The following SCUBE3 variants were observed in gnomAD, a reference collection of about 807,000 sequenced individuals.
SCUBE3 encodes the protein signal peptide, CUB and EGF-like domain-containing protein 3.
In SCUBE3, 33 loss-of-function variants were observed where a neutral mutation model predicts 116.8. That is an observed-to-expected ratio of 0.28 (90% confidence interval 0.21 to 0.38). SCUBE3 has a LOEUF of 0.38. Ranked by LOEUF, SCUBE3 falls within the 10% of genes least tolerant of loss-of-function variation. The probability of loss-of-function intolerance (pLI) is 1.00; values close to 1 mark genes in which losing one functional copy is unlikely to be tolerated. For missense variants in SCUBE3, 1,007 were observed against 1,324.8 expected, an observed-to-expected ratio of 0.76 and a Z score of 3.72; for synonymous variants, 418 against 496.9, an observed-to-expected ratio of 0.84 and a Z score of 2.11.
chr6:35,243,555 T>C lies in SCUBE3; in HGVS notation c.1910-39T>C, dbSNP rs1257272566. The C allele has an allele frequency of 6.6e-7, 1 of 1,505,338 alleles. No individual in the cohort carries two copies. Among genetic ancestry groups the C allele is most frequent in the Non-Finnish European group, 8.9e-7 (1 of 1,119,506 alleles). The allele number at this position is 1,505,338 out of a possible 1,614,324, so 93.2% of individuals were successfully genotyped here. On this transcript the variant is annotated intron_variant, in intron 15 of 21. Transcript: ENST00000274938. This position sits in a 1 kb window ranked among gnomAD's most constrained non-coding sequence, Gnocchi z 6.6. ...AGTCCCAGGCCTGGGTGGTGGGAAA[T>C]GCGGGGGTGGGTGGCTAGCGCGGCC...
rs151131728 is a variant in SCUBE3, at chr6:35,227,966, A to C, written c.208+264A>C. Among the ~76,000 whole-genome samples the C allele has an allele frequency of 5.9e-5, 9 of 152,346 alleles. No individual in the cohort carries two copies. The East Asian group carries it at 1.7e-3, about 29-fold the overall frequency. On this transcript the variant is annotated intron_variant, in intron 2 of 21. Coordinates refer to ENST00000274938, the MANE Select transcript of SCUBE3 (RefSeq NM_152753.4). The stretch of plus-strand genomic sequence containing the variant: ...TGGCTGGGGTGGGAGCATGAAAATC[A>C]TAAGACTAAGACCTGAGGTTCCCTG...
chr6:35,237,803 G>A (rs1156691152), intron 6 of SCUBE3, 99 bp from the exon 7 acceptor site: 4 of 684,816 alleles, frequency 5.8e-6, no homozygotes, highest in Non-Finnish European at 1.0e-5. Context: ...AGGCAGCTGA[G>A]GCCTTCCCTC....
rs1283389519 is a variant in SCUBE3 at position 35,231,913 on chromosome 6, C to T, written c.469+54C>T. On this transcript the variant is annotated intron_variant, in intron 4 of 21. Transcript: ENST00000274938. The surrounding 1 kb of genome is among the most constrained non-coding windows in gnomAD (Gnocchi z 4.2). The stretch of plus-strand genomic sequence containing the variant: ...CCCTGCCCTCCCCAGGCTTCTCTTC[C>T]CAGCTGTCCCTCAGCAGCCCCTAAG... The T allele has an allele frequency of 2.1e-5, 32 of 1,513,838 alleles. No homozygotes were observed. The highest frequency in any genetic ancestry group is 1.2e-4 in the African/African-American group (9 of 73,008). 93.8% of individuals were successfully genotyped at this position (1,513,838 alleles called of 1,614,324 possible).
At chr6:35,216,046 C>T (rs116886928) in intron 1 of SCUBE3, among the ~76,000 whole-genome samples, 3 of 152,200 alleles carry the variant, frequency 2.0e-5, no homozygotes, top group Non-Finnish European at 4.4e-5. Flanking sequence ...CATGAAGTAA[C>T]CTAGAGACAA....
At chr6:35,248,455 T>C in intron 21 of SCUBE3, 101 bp from the exon 22 acceptor site, 3 of 1,096,198 alleles carry the variant, frequency 2.7e-6, no homozygotes, top group Non-Finnish European at 4.2e-6. Flanking sequence ...ATATTCAGTA[T>C]AGGATGCCTA....
chr6:35,237,657 C>T (rs556339386), intron 6 of SCUBE3, among the ~76,000 whole-genome samples: 1 of 152,116 alleles, frequency 6.6e-6, no homozygotes, highest in South Asian at 2.1e-4. Flanking sequence ...TCACTGCTGT[C>T]CACCTTGTTT....
At position 35,245,763 on chromosome 6, in the gene SCUBE3, G is replaced by A. The variant is rs73745134; in HGVS notation, c.2600-181G>A. ...TGCCCAGGTATCAAGGAGGAATTGT[G>A]GAATGAGCCCAGTGGGCAATGGGAG... On this transcript the variant is annotated intron_variant, in intron 19 of 21. Transcript: ENST00000274938. This position sits in a 1 kb window ranked among gnomAD's most constrained non-coding sequence, Gnocchi z 4.2. 4.7e-3 allele frequency among the ~76,000 whole-genome samples: 718 copies of A among 152,250 alleles called. 6 individuals carry two copies. Among genetic ancestry groups the A allele is most frequent in the African/African-American group, 0.016 (659 of 41,528 alleles).
At position 35,235,229 on chromosome 6, in the gene SCUBE3, T is replaced by C. The variant is rs1172538967; in HGVS notation, c.712+1928T>C. Among the ~76,000 whole-genome samples, 1 of 151,988 alleles carries C rather than the reference T, an allele frequency of 6.6e-6. No homozygotes were observed. Among genetic ancestry groups the C allele is most frequent in the East Asian group, 1.9e-4 (1 of 5,172 alleles). ...GTTGCCCTTTCTGAGACTGTTTCAG[T>C]TTTTCAGTCACTTGCGGGGAGCTTG... On this transcript the variant is annotated intron_variant, in intron 6 of 21. Coordinates refer to ENST00000274938, the MANE Select transcript of SCUBE3 (RefSeq NM_152753.4). This position sits in a 1 kb window ranked among gnomAD's most constrained non-coding sequence, Gnocchi z 4.5.
In SCUBE3 at chr6:35,245,905, T is replaced by TGAG. The variant is rs1362649094; in HGVS notation, c.2600-38_2600-37insAGG. 6.2e-7 allele frequency: 1 copy of TGAG among 1,608,048 alleles called. No individual in the cohort carries two copies. Among genetic ancestry groups the TGAG allele is most frequent in the Admixed American group, 1.7e-5 (1 of 59,598 alleles). ...ACGTTCTAGGAGGGCTTGGGTAGCC[T>TGAG]GCCCTGCTGCTCTACTGACCTGCTG... On this transcript the variant is annotated intron_variant, in intron 19 of 21. Transcript: ENST00000274938. The surrounding 1 kb of genome is among the most constrained non-coding windows in gnomAD (Gnocchi z 4.2).
In SCUBE3 at chr6:35,219,351, G is replaced by GTATTCTGCCCTAGCCTAGACATGTCCCCC. The variant is rs1783040403; in HGVS notation, c.85+4850_85+4878dup. Among the ~76,000 whole-genome samples, 1 of 152,186 alleles carries GTATTCTGCCCTAGCCTAGACATGTCCCCC rather than the reference G, an allele frequency of 6.6e-6. No individual in the cohort carries two copies. The highest frequency in any genetic ancestry group is 1.5e-5 in the Non-Finnish European group (1 of 68,038). ...TTTCTAGCTCTGAGACTAGCTGTCT[G>GTATTCTGCCCTAGCCTAGACATGTCCCCC]TATTCTGCCCTAGCCTAGACATGTC... is the stretch of plus-strand genomic sequence containing the variant. On this transcript the variant is annotated intron_variant, in intron 1 of 21. Transcript: ENST00000274938. This position sits in a 1 kb window ranked among gnomAD's most constrained non-coding sequence, Gnocchi z 4.7.
In SCUBE3 at chr6:35,224,755, C is replaced by T. The variant is rs181315366; in HGVS notation, c.86-2825C>T. On this transcript the variant is annotated intron_variant, in intron 1 of 21. Coordinates refer to ENST00000274938, the MANE Select transcript of SCUBE3 (RefSeq NM_152753.4). Reference sequence around the variant, plus strand: ...GAGGCAAAGGAAAGAATTGGGAGCCCATATAGTCTGACACAGTCTCTAGTG... The same window carrying T: ...GAGGCAAAGGAAAGAATTGGGAGCCTATATAGTCTGACACAGTCTCTAGTG... The T allele has an allele frequency of 8.5e-5, 13 of 152,242 alleles. No homozygotes were observed. In the East Asian group the frequency reaches 2.5e-3, roughly 29 times the overall value. The allele number at this position is 152,242 out of a possible 1,614,324, so 9.4% of individuals were successfully genotyped here. A position where few individuals can be genotyped will look rare whatever the true frequency, so the allele number is the denominator to read the frequency against.
intron 1 of SCUBE3, chr6:35,221,750 A>C (rs1214813939): frequency 6.6e-6 from 1 of 152,218 alleles, no homozygotes; most frequent in Non-Finnish European, 1.5e-5. Context: ...CTGCTTCAGT[A>C]GGAAAATTAT....
chr6:35,242,900 T>G (rs1410571283), intron 14 of SCUBE3, 120 bp downstream of exon 14: 1 of 1,502,236 alleles, frequency 6.7e-7, no homozygotes, highest in African/African-American at 1.4e-5. Flanking sequence ...CCCTGCCTGG[T>G]GCCAAGCCTA....
At chr6:35,238,040 A>G in intron 7 of SCUBE3, 22 bp downstream of exon 7, 2 of 1,422,122 alleles carry the variant, frequency 1.4e-6, no homozygotes, top group Non-Finnish European at 2.0e-6. Context: ...GAGAGGACAG[A>G]AGCAGAGTGA....
At chr6:35,226,913 G>C (rs1171504396) in intron 1 of SCUBE3, among the ~76,000 whole-genome samples, 1 of 152,184 alleles carries the variant, frequency 6.6e-6, no homozygotes, top group Non-Finnish European at 1.5e-5. Flanking sequence ...TGGGGATTAG[G>C]GCCTGAAGGG....
At position 35,215,603 on chromosome 6, in the gene SCUBE3, C is replaced by G. The variant is rs779234112; in HGVS notation, c.85+1100C>G. On this transcript the variant is annotated intron_variant, in intron 1 of 21. Transcript: ENST00000274938. ...AAGTTGAACTTGGGAGTTGGGGAAGCCTGAGTGTCCGACACAGGTCGCTGT... is the reference window on the plus strand; with the variant it reads ...AAGTTGAACTTGGGAGTTGGGGAAGGCTGAGTGTCCGACACAGGTCGCTGT... Among the ~76,000 whole-genome samples, 78 of 152,300 alleles carry G rather than the reference C, an allele frequency of 5.1e-4. 1 individual carries two copies. The highest frequency in any genetic ancestry group is 9.1e-4 in the Non-Finnish European group (62 of 68,034).
chr6:35,246,491 G>C (rs896444375), intron 21 of SCUBE3, among the ~76,000 whole-genome samples: 1 of 152,170 alleles, frequency 6.6e-6, no homozygotes, highest in Non-Finnish European at 1.5e-5. Flanking sequence ...GCTGGGATTT[G>C]AGCCCAAGCC....
intron 21 of SCUBE3, among the ~76,000 whole-genome samples, chr6:35,248,351 A>G (rs1247682760): frequency 6.6e-6 from 1 of 152,202 alleles, no homozygotes; most frequent in Admixed American, 6.5e-5. Context: ...TTGGGGCCTA[A>G]GCAACAGAAG....
At position 35,252,891 on chromosome 6, in the gene SCUBE3, A is replaced by G. The variant is rs1784601375; in HGVS notation, c.*4186A>G. 6.6e-6 allele frequency: 1 copy of G among 152,182 alleles called. No individual in the cohort carries two copies. The highest frequency in any genetic ancestry group is 2.1e-4 in the South Asian group (1 of 4,834). The allele number at this position is 152,182 out of a possible 1,614,324, so 9.4% of individuals were successfully genotyped here. On this transcript the variant is annotated 3_prime_UTR_variant, in exon 22 of 22. Coordinates refer to ENST00000274938, the MANE Select transcript of SCUBE3 (RefSeq NM_152753.4). The stretch of plus-strand genomic sequence containing the variant: ...TGCAGAAGAAATTTCAAAATATTGT[A>G]TTTATATCTGCCTTCCACTGCTGCC...
Sources: allele counts gnomAD v4.1 joint callset (sites outside exome capture counted in the v4.1 genomes callset), GRCh38; gene constraint gnomAD v4.1.1; non-coding constraint Gnocchi (gnomAD v3.1); transcripts MANE v1.5; gene names NCBI Gene and HGNC (gene_info 2026-07-23, HGNC 2026-07-21).